The following LEMD3 variants were observed in gnomAD, a reference collection of about 807,000 sequenced individuals.
LEMD3 encodes LEM domain containing 3, also known as inner nuclear membrane protein Man1.
In LEMD3, 33 loss-of-function variants were observed where a neutral mutation model predicts 95.2. The observed-to-expected ratio is 0.35, with a 90% CI of 0.26 to 0.46. The LOEUF is 0.46. Ranked by LOEUF, LEMD3 falls within the 20% of genes least tolerant of loss-of-function variation. The probability of loss-of-function intolerance (pLI) is 1.00; values close to 1 mark genes in which losing one functional copy is unlikely to be tolerated. For missense variants in LEMD3, 1,210 were observed against 1,192.8 expected, an observed-to-expected ratio of 1.01 and a Z score of -0.21; for synonymous variants, 525 against 474.6, an observed-to-expected ratio of 1.11 and a Z score of -1.38.
In LEMD3 at chr12:65,188,165, T is replaced by C. The variant is rs188723646; in HGVS notation, c.1522+17047T>C. On this transcript the variant is annotated intron_variant, in intron 1 of 12. Transcript: ENST00000308330. ...GTGTCTAAAAAAGGCCAGTTTTTTTTCCCCCTCCAGTATAGTATAAAGACT... is the reference window on the plus strand; with the variant it reads ...GTGTCTAAAAAAGGCCAGTTTTTTTCCCCCCTCCAGTATAGTATAAAGACT... Among the ~76,000 whole-genome samples, 9 of 151,990 alleles carry C rather than the reference T, an allele frequency of 5.9e-5. No homozygotes were observed. In the East Asian group the frequency reaches 1.7e-3, roughly 29 times the overall value.
intron 2 of LEMD3, among the ~76,000 whole-genome samples, chr12:65,213,837 AAAAG>A (rs1285719707): frequency 1.3e-5 from 2 of 152,198 alleles, no homozygotes; most frequent in East Asian, 3.9e-4. Context: ...ATATAAAACA[AAAAG>A]AAAATAAGTC....
Position 65,170,220 on chromosome 12 carries a change from G to A in LEMD3, c.624G>A (p.Gln208=), listed in dbSNP as rs1868479726. Residue 208 remains glutamine (Q), a synonymous_variant, in exon 1 of 13, where the codon CAG becomes CAA. Coordinates refer to ENST00000308330, the MANE Select transcript of LEMD3 (RefSeq NM_014319.5). ...GGAGGCCGGCGGGCCCCGAGCTGCA[G>A]ACCCCGCCGGGGAAAGATGGAGCAG... ...GARRPAGPEL[Q]TPPGKDGAVE... 1 of 1,509,486 alleles carries A rather than the reference G, an allele frequency of 6.6e-7. No individual in the cohort carries two copies. The allele number at this position is 1,509,486 out of a possible 1,614,324, so 93.5% of individuals were successfully genotyped here.
intron 4 of LEMD3, among the ~76,000 whole-genome samples, chr12:65,230,590 A>G (rs1870595540): frequency 6.6e-6 from 1 of 151,696 alleles, no homozygotes; most frequent in Admixed American, 6.6e-5. Flanking sequence ...TATGTTACTG[A>G]TTTTGAGTAT....
In LEMD3 at chr12:65,170,976, G is replaced by A. The variant is rs866627066; in HGVS notation, c.1380G>A (p.Glu460=). The change falls in exon 1 of 13, where the codon GAG becomes GAA. Residue 460 remains glutamate, a synonymous_variant. Transcript: ENST00000308330. ...EEELLQQFKR[E]EVSPTGSFSA... ...AACTTCTCCAGCAATTTAAACGGGA[G>A]GAGGTGTCCCCAACAGGGAGTTTCA... 3 of 1,614,244 alleles carry A rather than the reference G, an allele frequency of 1.9e-6. No individual in the cohort carries two copies. Among genetic ancestry groups the A allele is most frequent in the Non-Finnish European group, 2.5e-6 (3 of 1,180,050 alleles).
intron 1 of LEMD3, among the ~76,000 whole-genome samples, chr12:65,182,035 T>C (rs531461437): frequency 6.6e-6 from 1 of 152,260 alleles, no homozygotes; most frequent in Admixed American, 6.5e-5. Context: ...TAACTACTCA[T>C]ACTATGTCTG....
intron 1 of LEMD3, among the ~76,000 whole-genome samples, chr12:65,209,747 T>G (rs1179626525): frequency 6.6e-6 from 1 of 152,074 alleles, no homozygotes; most frequent in Non-Finnish European, 1.5e-5. Context: ...GATAACAGGA[T>G]ACATTTTTTT....
At chr12:65,203,241 A>G (rs1869658337) in intron 1 of LEMD3, among the ~76,000 whole-genome samples, 1 of 151,712 alleles carries the variant, frequency 6.6e-6, no homozygotes, top group African/African-American at 2.4e-5. Context: ...CTTGTGCAGT[A>G]GGGTATGAAT....
At position 65,169,886 on chromosome 12, in the gene LEMD3, A is replaced by G. The variant is rs1251867750; in HGVS notation, c.290A>G (p.Asp97Gly). Residue 97 changes from aspartate to glycine, a missense_variant, in exon 1 of 13, where the codon GAC becomes GGC. By Grantham distance (94) the Asp-to-Gly change is moderately conservative. Coordinates refer to ENST00000308330, the MANE Select transcript of LEMD3 (RefSeq NM_014319.5). ...ATGGGGGTCCGGCCGGTCTCGGGCG[A>G]CCTCTCCTACTTACGGACTCCTGGG... Reference protein sequence around the residue: ...AGMGVRPVSGDLSYLRTPGGL... With the variant: ...AGMGVRPVSGGLSYLRTPGGL... 1.4e-6 allele frequency: 2 copies of G among 1,450,030 alleles called. No homozygotes were observed. The highest frequency in any genetic ancestry group is 9.1e-7 in the Non-Finnish European group (1 of 1,101,270). 89.8% of individuals were successfully genotyped at this position (1,450,030 alleles called of 1,614,324 possible).
intron 1 of LEMD3, among the ~76,000 whole-genome samples, chr12:65,184,604 T>G (rs1869003052): frequency 6.6e-6 from 1 of 152,164 alleles, no homozygotes; most frequent in East Asian, 1.9e-4. Flanking sequence ...CTCAATAACT[T>G]TAAAAGATTC....
At chr12:65,229,712 C>CT (rs2136348346) in intron 4 of LEMD3, among the ~76,000 whole-genome samples, 1 of 152,146 alleles carries the variant, frequency 6.6e-6, no homozygotes, top group Non-Finnish European at 1.5e-5. Context: ...CTCATTTGCC[C>CT]TTTGAGTTCC....
chr12:65,180,989 A>AACACACACACACAC (rs71096029), intron 1 of LEMD3, among the ~76,000 whole-genome samples: 2 of 149,174 alleles, frequency 1.3e-5, no homozygotes, highest in African/African-American at 5.0e-5. Flanking sequence ...TATGTACACA[A>AACACACACACACAC]ACACACACAC....
intron 4 of LEMD3, among the ~76,000 whole-genome samples, chr12:65,220,957 T>C (rs1316622510): frequency 6.6e-6 from 1 of 152,178 alleles, no homozygotes; most frequent in East Asian, 1.9e-4. Context: ...TACTATACTG[T>C]TTTGATTACT....
chr12:65,216,229 G>A (rs1056398692), intron 3 of LEMD3, among the ~76,000 whole-genome samples, 186 bp downstream of exon 3: 3 of 151,298 alleles, frequency 2.0e-5, no homozygotes, highest in Admixed American at 6.6e-5. Context: ...CTTTTTTCCT[G>A]CCTGCCATCT....
intron 1 of LEMD3, among the ~76,000 whole-genome samples, chr12:65,210,231 T>C (rs979103917): frequency 1.3e-5 from 2 of 152,010 alleles, no homozygotes; most frequent in Non-Finnish European, 2.9e-5. Context: ...GACTTAATTC[T>C]TAGTTACTTT....
intron 1 of LEMD3, among the ~76,000 whole-genome samples, chr12:65,173,546 A>G (rs746629567): frequency 3.9e-5 from 6 of 152,184 alleles, no homozygotes; most frequent in Admixed American, 6.5e-5. Flanking sequence ...ATTTTTATAT[A>G]CTAAATGGAA....
chr12:65,172,845 C>T (rs1261304910), intron 1 of LEMD3, among the ~76,000 whole-genome samples: 7 of 152,038 alleles, frequency 4.6e-5, no homozygotes, highest in Non-Finnish European at 8.8e-5. Flanking sequence ...CCTGCCTCAG[C>T]CTCCCAAGTA....
chr12:65,238,741 A>T lies in LEMD3; in HGVS notation c.1848A>T (p.Pro616=), dbSNP rs767735135. Residue 616 remains proline (P), a synonymous_variant, in exon 6 of 13, where the codon CCA becomes CCT. Transcript: ENST00000308330. ...TGCAGTTTTTACAGTCCACAAGACCACTGATGTCTTTTTGGTGTCGTTTTC... is the reference window on the plus strand; with the variant it reads ...TGCAGTTTTTACAGTCCACAAGACCTCTGATGTCTTTTTGGTGTCGTTTTC... ...TDVQFLQSTR[P]LMSFWCRFRR... is the part of the protein sequence containing the mutation. The T allele has an allele frequency of 6.2e-7, 1 of 1,613,996 alleles. No homozygotes were observed. Among genetic ancestry groups the T allele is most frequent in the Admixed American group, 1.7e-5 (1 of 60,010 alleles).
chr12:65,197,428 C>G, intron 1 of LEMD3, among the ~76,000 whole-genome samples: 1 of 152,098 alleles, frequency 6.6e-6, no homozygotes, highest in East Asian at 1.9e-4. Context: ...ACAGTATATG[C>G]TGAACATTCT....
chr12:65,194,908 TTAAA>T (rs1321654157), intron 1 of LEMD3, among the ~76,000 whole-genome samples: 2 of 148,330 alleles, frequency 1.3e-5, no homozygotes, highest in Non-Finnish European at 3.0e-5. Context: ...AAAATAATTA[TTAAA>T]TTATTATAAT....
Sources: allele counts gnomAD v4.1 joint callset (sites outside exome capture counted in the v4.1 genomes callset), GRCh38; gene constraint gnomAD v4.1.1; transcripts MANE v1.5; gene names NCBI Gene and HGNC (gene_info 2026-07-23, HGNC 2026-07-21).